GLT8D2: variants seen among roughly 807,000 people sequenced by gnomAD.
The protein encoded by GLT8D2 is glycosyltransferase 8 domain containing 2.
A neutral mutation model predicts 44.5 loss-of-function variants in GLT8D2; 45 were observed. That is an observed-to-expected ratio of 1.01 (90% CI 0.80 to 1.30). The LOEUF (loss-of-function observed/expected upper bound fraction) is 1.30, where lower values mean the gene tolerates loss of function less well. Among genes scored for constraint, GLT8D2 ranks in the 50% most tolerant of loss-of-function variants. The pLI is 0.00. For synonymous variants in GLT8D2, 156 were observed against 157.2 expected, an observed-to-expected ratio of 0.99 and a Z score of 0.06; for missense variants, 400 against 430.4, an observed-to-expected ratio of 0.93 and a Z score of 0.62.
At position 104,045,918 on chromosome 12, in the gene GLT8D2, A is replaced by AGAAAGAAAGAAAGAAG. The variant is rs1555281883; in HGVS notation, c.-164+3976_-164+3977insCTTCTTTCTTTCTTTC. On this transcript the variant is annotated intron_variant, in intron 1 of 10. Transcript: ENST00000360814. ...AAGAAAGAAAGAAAGAAAGAAAGAA[A>AGAAAGAAAGAAAGAAG]GAAAGAAAGAAAGAAAGAAAAAGAA... 9.6e-3 allele frequency among the ~76,000 whole-genome samples: 1,404 copies of AGAAAGAAAGAAAGAAG among 145,904 alleles called. 12 individuals are homozygous for AGAAAGAAAGAAAGAAG. Among genetic ancestry groups the AGAAAGAAAGAAAGAAG allele is most frequent in the Non-Finnish European group, 0.013 (880 of 65,978 alleles).
At chr12:104,035,893 G>A (rs1593563167) in intron 1 of GLT8D2, among the ~76,000 whole-genome samples, 4 of 152,110 alleles carry the variant, frequency 2.6e-5, no homozygotes, top group Admixed American at 2.6e-4. Context: ...TGAAATGAAG[G>A]AAAAAATGTT....
chr12:104,028,705 G>C (rs1400992576), intron 1 of GLT8D2, among the ~76,000 whole-genome samples: 1 of 152,130 alleles, frequency 6.6e-6, no homozygotes, highest in African/African-American at 2.4e-5. Flanking sequence ...GTGATAGGGG[G>C]TAAAATGTTG....
At chr12:104,023,155 G>A (rs1447031250) in intron 1 of GLT8D2, among the ~76,000 whole-genome samples, 1 of 152,156 alleles carries the variant, frequency 6.6e-6, no homozygotes. Flanking sequence ...GGGGGAGGGA[G>A]AGCATCAGGA....
chr12:104,016,884 A>AAGAAAGAG (rs1876936846), intron 3 of GLT8D2, among the ~76,000 whole-genome samples: 3 of 136,404 alleles, frequency 2.2e-5, no homozygotes, highest in Non-Finnish European at 4.9e-5. Context: ...GAAAGAAAGA[A>AAGAAAGAG]AAATAAAGAG....
chr12:104,053,139 C>T (rs1019812257), upstream of GLT8D2, among the ~76,000 whole-genome samples: 1 of 152,184 alleles, frequency 6.6e-6, no homozygotes, highest in African/African-American at 2.4e-5. Context: ...TCCCAGGCAT[C>T]ATGTGGACAG....
intron 4 of GLT8D2, among the ~76,000 whole-genome samples, chr12:104,006,273 T>C (rs577819348): frequency 1.3e-4 from 20 of 151,898 alleles, no homozygotes; most frequent in African/African-American, 4.6e-4. Flanking sequence ...ATATACCTGA[T>C]GTAAATGACG....
At chr12:103,999,570 G>T (rs2136288406) in intron 5 of GLT8D2, 56 bp from the exon 6 acceptor site, 4 of 1,027,452 alleles carry the variant, frequency 3.9e-6, no homozygotes, top group Non-Finnish European at 6.1e-6. Flanking sequence ...TCCTCCATTT[G>T]CCTATTGCCC....
intron 1 of GLT8D2, among the ~76,000 whole-genome samples, chr12:104,023,477 A>G (rs1048272732): frequency 9.2e-5 from 14 of 152,156 alleles, no homozygotes; most frequent in Admixed American, 4.6e-4. Flanking sequence ...TTTCCATGAC[A>G]CATTTACTAA....
chr12:104,021,877 A>T lies in GLT8D2; in HGVS notation c.-163-386T>A, dbSNP rs1205039627. Reference sequence around the variant, plus strand: ...GAGAAGGAGAAGAAGAAAGAAGAAGAAGAAGAAGAAGAAGAAGAAGAAGAA... The same window carrying T: ...GAGAAGGAGAAGAAGAAAGAAGAAGTAGAAGAAGAAGAAGAAGAAGAAGAA... On this transcript the variant is annotated intron_variant, in intron 1 of 10. Coordinates refer to ENST00000360814, the MANE Select transcript of GLT8D2 (RefSeq NM_001384711.1). Among the ~76,000 whole-genome samples the T allele has an allele frequency of 4.8e-4, 8 of 16,666 alleles. 1 individual carries two copies. In the East Asian group the frequency reaches 0.27, roughly 556 times the overall value. 10.9% of individuals were successfully genotyped at this position (16,666 alleles called of 152,430 possible).
At chr12:104,006,685 C>G (rs1875052108) in intron 4 of GLT8D2, among the ~76,000 whole-genome samples, 1 of 152,196 alleles carries the variant, frequency 6.6e-6, no homozygotes, top group South Asian at 2.1e-4. Flanking sequence ...CAGATTTGAG[C>G]TGGGCTCCTG....
chr12:104,039,180 A>C (rs981531037), intron 1 of GLT8D2, among the ~76,000 whole-genome samples: 3 of 152,178 alleles, frequency 2.0e-5, no homozygotes, highest in Admixed American at 2.0e-4. Context: ...TAGACCTAAA[A>C]CCATAAAAAC....
intron 10 of GLT8D2, among the ~76,000 whole-genome samples, chr12:103,990,347 C>CT (rs1262125540): frequency 6.6e-6 from 1 of 151,918 alleles, no homozygotes; most frequent in Non-Finnish European, 1.5e-5. Flanking sequence ...TAAAATGTGA[C>CT]TAAGATCTAC....
intron 1 of GLT8D2, among the ~76,000 whole-genome samples, chr12:104,033,528 G>A (rs941003931): frequency 5.3e-5 from 8 of 152,104 alleles, no homozygotes; most frequent in Non-Finnish European, 1.2e-4. Context: ...GTCGGTCAAA[G>A]GGTACAAGCT....
chr12:104,044,112 G>A (rs151288619), intron 1 of GLT8D2, among the ~76,000 whole-genome samples: 68 of 152,126 alleles, frequency 4.5e-4, no homozygotes, highest in Non-Finnish European at 7.9e-4. Context: ...ATAAGGTATC[G>A]CGTGATCACA....
chr12:104,021,918 GAAGAAGAA>G (rs1566202292), intron 1 of GLT8D2, among the ~76,000 whole-genome samples: 321 of 23,018 alleles, frequency 0.014, 20 homozygotes, highest in East Asian at 0.1. Flanking sequence ...AGAAGAAGAA[GAAGAAGAA>G]GAAGAAGAAG....
intron 1 of GLT8D2, among the ~76,000 whole-genome samples, chr12:104,055,834 A>G (rs1882141490): frequency 6.6e-6 from 1 of 152,228 alleles, no homozygotes; most frequent in Non-Finnish European, 1.5e-5. Flanking sequence ...TCAGGCTGAC[A>G]AGCCTCTTTG....
intron 3 of GLT8D2, among the ~76,000 whole-genome samples, chr12:104,016,826 A>ACAAGAAAG (rs1876849980): frequency 1.4e-5 from 1 of 72,498 alleles, no homozygotes. Flanking sequence ...AAAGAGAAAG[A>ACAAGAAAG]AAAGAAAGAA....
At chr12:104,025,764 G>A (rs896190803) in intron 1 of GLT8D2, among the ~76,000 whole-genome samples, 6 of 152,232 alleles carry the variant, frequency 3.9e-5, no homozygotes, top group Non-Finnish European at 4.4e-5. Flanking sequence ...TTCCTTCTGT[G>A]GAACTGATTT....
chr12:104,014,406 T>C, intron 4 of GLT8D2: 1 of 615,458 alleles, frequency 1.6e-6, no homozygotes, highest in Non-Finnish European at 2.9e-6. Flanking sequence ...TTCCTGATTT[T>C]TATGGAGGTT....
Sources: gnomAD v4.1 joint callset for allele counts (sites outside exome capture counted in the v4.1 genomes callset) on GRCh38, gnomAD v4.1.1 for gene constraint, MANE v1.5 for transcripts, NCBI Gene and HGNC (gene_info 2026-07-23, HGNC 2026-07-21) for gene names.